The following PCDH15 variants were observed in gnomAD, a reference collection of about 807,000 sequenced individuals.
PCDH15 encodes the protein protocadherin-15.
In PCDH15, 129 loss-of-function variants were observed where a neutral mutation model predicts 178.5. The ratio of observed to expected loss-of-function variants is 0.72; its 90% CI spans 0.63 to 0.84. PCDH15 has a LOEUF of 0.84. PCDH15 is among the 40% of genes least tolerant of loss of function. The pLI, the probability that PCDH15 is intolerant of heterozygous loss-of-function variation, is 0.00. For synonymous variants in PCDH15, 800 were observed against 732.0 expected, an observed-to-expected ratio of 1.09 and a Z score of -1.50; for missense variants, 2,230 against 2,099.9, an observed-to-expected ratio of 1.06 and a Z score of -1.21.
intron 23 of PCDH15, among the ~76,000 whole-genome samples, chr10:53,957,930 C>G (rs1477662631): frequency 6.6e-6 from 1 of 152,110 alleles, no homozygotes; most frequent in Non-Finnish European, 1.5e-5. Context: ...TGGTTTACAT[C>G]TCGATGATTT....
rs542821808 is a variant in PCDH15, at chr10:54,037,501, T to C, written c.2221-14304A>G. Among the ~76,000 whole-genome samples the C allele has an allele frequency of 1.3e-3, 203 of 151,944 alleles. 4 individuals carry two copies. The South Asian group carries it at 0.017, about 13-fold the overall frequency. ...GTTCAGATGATTGACAGTATTTTTT[T>C]AAGCCATAAAACACTTTAATTAAGG... On this transcript the variant is annotated intron_variant, in intron 18 of 37. Transcript: ENST00000644397.
rs112932848 is a variant in PCDH15, at chr10:55,301,446, G to GT, written c.-156+18152dup. Among the ~76,000 whole-genome samples the GT allele has an allele frequency of 6.6e-4, 100 of 150,730 alleles. No homozygotes were observed. In the East Asian group the frequency reaches 7.3e-3, roughly 11 times the overall value. Reference sequence around the variant, plus strand: ...TGTATTTTTGCCCCATTTTCTAATTGTTTTTTTTTTCTTTTTTAAAGTTGC... The same window carrying GT: ...TGTATTTTTGCCCCATTTTCTAATTGTTTTTTTTTTTCTTTTTTAAAGTTGC... On this transcript the variant is annotated intron_variant, in intron 1 of 5. Coordinates refer to the PCDH15 transcript ENST00000458638.
At chr10:53,933,787 C>T (rs2085311203) in intron 25 of PCDH15, among the ~76,000 whole-genome samples, 1 of 152,156 alleles carries the variant, frequency 6.6e-6, no homozygotes, top group African/African-American at 2.4e-5. Context: ...TACAGTCCCA[C>T]CAACAGTGTA....
intron 2 of PCDH15, among the ~76,000 whole-genome samples, chr10:55,494,422 T>G (rs1840488222): frequency 6.6e-6 from 1 of 151,812 alleles, no homozygotes; most frequent in Non-Finnish European, 1.5e-5. Flanking sequence ...ATTGGATTGT[T>G]TAATATATTC....
At chr10:54,146,654 C>T (rs2133243201) in intron 14 of PCDH15, among the ~76,000 whole-genome samples, 1 of 151,522 alleles carries the variant, frequency 6.6e-6, no homozygotes, top group East Asian at 1.9e-4. Flanking sequence ...GAATCTTTAG[C>T]TGGTTTACTA....
intron 25 of PCDH15, among the ~76,000 whole-genome samples, chr10:53,920,199 GACAA>G (rs1462611441): frequency 6.6e-6 from 1 of 152,028 alleles, no homozygotes; most frequent in African/African-American, 2.4e-5. Flanking sequence ...ATAAACTGTA[GACAA>G]ACAATAAGAT....
intron 17 of PCDH15, among the ~76,000 whole-genome samples, chr10:54,071,824 T>C (rs1376331628): frequency 2.6e-5 from 4 of 152,148 alleles, no homozygotes; most frequent in Non-Finnish European, 5.9e-5. Context: ...CATGAGTGTT[T>C]AATTTCAAAG....
In PCDH15 at chr10:53,805,157, T is replaced by TAAGA. The variant is rs1841073162; in HGVS notation, c.*1418_*1421dup. 1 of 151,984 alleles carries TAAGA rather than the reference T, an allele frequency of 6.6e-6. No individual in the cohort carries two copies. The highest frequency in any genetic ancestry group is 2.1e-4 in the South Asian group (1 of 4,828). 9.4% of individuals were successfully genotyped at this position (151,984 alleles called of 1,614,324 possible). On this transcript the variant is annotated 3_prime_UTR_variant, in exon 38 of 38. Transcript: ENST00000644397. The stretch of plus-strand genomic sequence containing the variant: ...AACAATTTTTAAGACGCGAAACATG[T>TAAGA]AAGAGGGGAATAAATAATAGTGCAT...
chr10:55,110,438 G>T (rs763963430), intron 2 of PCDH15, among the ~76,000 whole-genome samples: 4 of 152,006 alleles, frequency 2.6e-5, no homozygotes, highest in Non-Finnish European at 5.9e-5. Context: ...TTGTATTAGT[G>T]CATGTTTACC....
At chr10:55,392,753 C>T (rs1260718406) in intron 2 of PCDH15, among the ~76,000 whole-genome samples, 1 of 151,810 alleles carries the variant, frequency 6.6e-6, no homozygotes, top group Non-Finnish European at 1.5e-5. Flanking sequence ...TTATTTAAAA[C>T]ATTTTTTAGA....
intron 2 of PCDH15, among the ~76,000 whole-genome samples, chr10:55,504,661 A>G (rs977347952): frequency 2.0e-5 from 3 of 151,438 alleles, no homozygotes; most frequent in African/African-American, 7.3e-5. Flanking sequence ...ATCAAATGGT[A>G]ACAGCATACA....
At chr10:54,701,357 T>G (rs2095306984) in intron 1 of PCDH15, among the ~76,000 whole-genome samples, 1 of 151,998 alleles carries the variant, frequency 6.6e-6, no homozygotes, top group Admixed American at 6.6e-5. Context: ...AAAAACACAC[T>G]TTAGTACATA....
At chr10:54,214,454 G>A (rs181894598) in intron 9 of PCDH15, among the ~76,000 whole-genome samples, 1 of 152,278 alleles carries the variant, frequency 6.6e-6, no homozygotes, top group Admixed American at 6.5e-5. Flanking sequence ...GTACCAAATA[G>A]TGAGATGCTT....
At chr10:54,515,363 A>T (rs2082104692) in intron 3 of PCDH15, among the ~76,000 whole-genome samples, 2 of 152,168 alleles carry the variant, frequency 1.3e-5, no homozygotes, top group African/African-American at 4.8e-5. Flanking sequence ...ATGCCCATGG[A>T]GTCTCGCTGA....
intron 2 of PCDH15, among the ~76,000 whole-genome samples, chr10:55,335,141 A>C (rs1214813959): frequency 1.3e-5 from 2 of 152,206 alleles, no homozygotes; most frequent in African/African-American, 4.8e-5. Flanking sequence ...AATAAGGACA[A>C]AACCCAGAAG....
At chr10:54,637,944 G>A (rs2093900207) in intron 2 of PCDH15, among the ~76,000 whole-genome samples, 1 of 151,996 alleles carries the variant, frequency 6.6e-6, no homozygotes, top group Admixed American at 6.6e-5. Context: ...CTTTTATGTG[G>A]ACAATACTCA....
intron 8 of PCDH15, among the ~76,000 whole-genome samples, chr10:54,274,779 A>G (rs1230452952): frequency 6.6e-6 from 1 of 151,968 alleles, no homozygotes; most frequent in African/African-American, 2.4e-5. Context: ...TACCTTTTCA[A>G]TAATGCAGAA....
chr10:55,599,701 C>T (rs1441475680), intron 2 of PCDH15: 4 of 366,198 alleles, frequency 1.1e-5, no homozygotes, highest in African/African-American at 2.1e-5. Flanking sequence ...TAACCCAATA[C>T]AGTCATGCTC....
intron 2 of PCDH15, among the ~76,000 whole-genome samples, chr10:54,981,435 T>C (rs1381356560): frequency 6.6e-6 from 1 of 152,166 alleles, no homozygotes; most frequent in Non-Finnish European, 1.5e-5. Flanking sequence ...TATTATTGGC[T>C]ATTTTTGTAT....
Sources: allele counts gnomAD v4.1 joint callset (sites outside exome capture counted in the v4.1 genomes callset), GRCh38; gene constraint gnomAD v4.1.1; transcripts MANE v1.5; gene names NCBI Gene and HGNC (gene_info 2026-07-23, HGNC 2026-07-21).